CCDC57: variants seen among roughly 807,000 people sequenced by gnomAD.
CCDC57 encodes coiled-coil domain containing 57.
Under a neutral mutation model 118.9 loss-of-function variants are expected in CCDC57, and 118 were observed. That is an observed-to-expected ratio of 0.99 (90% confidence interval 0.86 to 1.16). The LOEUF (loss-of-function observed/expected upper bound fraction) is 1.16, where lower values mean the gene tolerates loss of function less well. Ranked by LOEUF, CCDC57 falls within the 50% of genes most tolerant of loss-of-function variation. CCDC57 has a pLI of 0.00. For synonymous variants in CCDC57, 527 were observed against 532.9 expected (o/e 0.99, Z 0.15); for missense variants, 1,300 against 1,320.7 (o/e 0.98, Z 0.24).
At chr17:82,176,616 G>A (rs1378176050) in intron 11 of CCDC57, among the ~76,000 whole-genome samples, 1 of 152,092 alleles carries the variant, frequency 6.6e-6, no homozygotes, top group Non-Finnish European at 1.5e-5. Flanking sequence ...ATACACCAGC[G>A]TGGGCCCCCT....
chr17:82,147,633 G>A (rs191248064), intron 16 of CCDC57, among the ~76,000 whole-genome samples: 11 of 111,812 alleles, frequency 9.8e-5, no homozygotes, highest in Non-Finnish European at 1.4e-4. Context: ...GGGCGGGTGG[G>A]TGGATGGATG....
Position 82,151,621 on chromosome 17 carries a change from C to T in CCDC57, c.2394G>A (p.Leu798=), listed in dbSNP as rs1449064905. Residue 798 remains leucine, a synonymous_variant, in exon 16 of 20, where the codon CTG becomes CTA. Transcript: ENST00000665763. ...CCATCTCGATGAGCTGCTCTTTCTC[C>T]AGGCGGAGGCTGATGATTTTTCTGG... 7 of 1,550,398 alleles carry T rather than the reference C, an allele frequency of 4.5e-6. No individual in the cohort carries two copies. The Admixed American group carries it at 1.4e-4, about 30-fold the overall frequency.
In CCDC57 at chr17:82,192,321, C is replaced by T. The variant is rs963577411; in HGVS notation, c.851+1435G>A. Among the ~76,000 whole-genome samples the T allele has an allele frequency of 6.6e-6, 1 of 152,152 alleles. No individual in the cohort carries two copies. The highest frequency in any genetic ancestry group is 1.5e-5 in the Non-Finnish European group (1 of 68,040). ...ACTTTAAGAATCAGCATAGGATACACACAACATGCCCAATGTGTGTTAATG... is the reference window on the plus strand; with the variant it reads ...ACTTTAAGAATCAGCATAGGATACATACAACATGCCCAATGTGTGTTAATG... On this transcript the variant is annotated intron_variant, in intron 7 of 19. Coordinates refer to ENST00000665763, the Ensembl canonical transcript of CCDC57. The surrounding 1 kb of genome is among the most constrained non-coding windows in gnomAD (Gnocchi z 4.0).
chr17:82,151,593 T>C (rs1163113849), exon 16 of CCDC57: 2 of 1,550,366 alleles, frequency 1.3e-6, no homozygotes, highest in Non-Finnish European at 1.7e-6. Flanking sequence ...CGGAGCCTGT[T>C]CCCCATCTCG....
chr17:82,190,157 C>A (rs2047486128), intron 7 of CCDC57, among the ~76,000 whole-genome samples: 1 of 151,524 alleles, frequency 6.6e-6, no homozygotes, highest in East Asian at 1.9e-4. Context: ...TCTTCATATC[C>A]CAGCATAGAG....
intron 8 of CCDC57, 116 bp from the exon 8 acceptor site, chr17:82,184,048 C>T (rs1449987189): frequency 3.6e-6 from 2 of 560,866 alleles, no homozygotes; most frequent in African/African-American, 2.0e-5. Context: ...CACACACACA[C>T]ACACACACAC....
At chr17:82,178,486 T>C in exon 11 of CCDC57, 1 of 1,612,148 alleles carries the variant, frequency 6.2e-7, no homozygotes. Context: ...GTGCCCCTGG[T>C]CTGGGGAGCC....
intron 19 of CCDC57, among the ~76,000 whole-genome samples, chr17:82,102,885 CA>C (rs11314063): frequency 0.35 from 45,224 of 130,710 alleles, 7,412 homozygotes; most frequent in African/African-American, 0.44. Context: ...AACTCTATCT[CA>C]AAAAAAAAAA....
intron 16 of CCDC57, 73 bp downstream of exon 15, chr17:82,151,487 G>A (rs979768769): frequency 6.1e-5 from 85 of 1,394,156 alleles, no homozygotes; most frequent in South Asian, 2.3e-4. Context: ...AGAACCTGGC[G>A]CACACCCAGA....
At chr17:82,189,523 A>C (rs1400208377) in intron 7 of CCDC57, among the ~76,000 whole-genome samples, 3 of 152,098 alleles carry the variant, frequency 2.0e-5, no homozygotes, top group Non-Finnish European at 4.4e-5. Flanking sequence ...CAAGTTGGAG[A>C]AGCTCATTCA....
chr17:82,110,944 G>A (rs1314148881), intron 19 of CCDC57, among the ~76,000 whole-genome samples: 1 of 150,044 alleles, frequency 6.7e-6, no homozygotes, highest in Non-Finnish European at 1.5e-5. Flanking sequence ...AGAATCGCTT[G>A]AACCCTGGAG....
intron 19 of CCDC57, among the ~76,000 whole-genome samples, chr17:82,103,076 TGTGGTCTGCGTGCAGCCTGG>T (rs1292439869): frequency 1.7e-4 from 26 of 152,274 alleles, no homozygotes; most frequent in African/African-American, 4.8e-4. Context: ...GCCCAGCCTG[TGTGGTCTGCGTGCAGCCTGG>T]GTGACTGGGA....
intron 13 of CCDC57, among the ~76,000 whole-genome samples, chr17:82,167,908 G>A (rs528987498): frequency 2.6e-5 from 4 of 152,210 alleles, no homozygotes; most frequent in African/African-American, 4.8e-5. Context: ...GAGCCACGGC[G>A]CCCGGCCTGT....
intron 13 of CCDC57, among the ~76,000 whole-genome samples, 172 bp downstream of exon 12, chr17:82,171,529 G>A (rs1470385543): frequency 6.6e-6 from 1 of 152,058 alleles, no homozygotes; most frequent in Non-Finnish European, 1.5e-5. Context: ...CTGCAGTGAG[G>A]AGCCAGGGCA....
At chr17:82,196,968 GCAGCCCCTCGTGACTCCTGCAGAGACT>G (rs1261519351) in intron 4 of CCDC57, among the ~76,000 whole-genome samples, 13 of 120,188 alleles carry the variant, frequency 1.1e-4, no homozygotes, top group African/African-American at 2.7e-4. Context: ...CTGCAGAGAC[GCAGCCCCTCGTGACTCCTGCAGAGACT>G]CAGCCCCTCG....
chr17:82,142,227 C>T (rs1202807134), intron 16 of CCDC57, among the ~76,000 whole-genome samples: 1 of 152,146 alleles, frequency 6.6e-6, no homozygotes, highest in Non-Finnish European at 1.5e-5. Context: ...AGTTAAACCT[C>T]AGTAAGGACA....
chr17:82,120,131 AAAT>A (rs973921770), intron 19 of CCDC57, among the ~76,000 whole-genome samples: 4 of 152,088 alleles, frequency 2.6e-5, no homozygotes, highest in Admixed American at 2.6e-4. Context: ...AGATGCCACT[AAAT>A]TGTTAACTAT....
intron 1 of CCDC57, among the ~76,000 whole-genome samples, chr17:82,208,911 CAGGA>C (rs2049974672): frequency 6.6e-6 from 1 of 152,166 alleles, no homozygotes; most frequent in African/African-American, 2.4e-5. Context: ...GTCTGTCACC[CAGGA>C]TGGAGTGCAG....
exon 9 of CCDC57, chr17:82,183,869 C>G: frequency 4.3e-6 from 7 of 1,613,556 alleles, no homozygotes; most frequent in Non-Finnish European, 5.9e-6. Flanking sequence ...AGACCATCTC[C>G]TTAGATAGTT....
Sources: allele counts gnomAD v4.1 joint callset (sites outside exome capture counted in the v4.1 genomes callset), GRCh38; gene constraint gnomAD v4.1.1; non-coding constraint Gnocchi (gnomAD v3.1); transcripts MANE v1.5; gene names NCBI Gene and HGNC (gene_info 2026-07-23, HGNC 2026-07-21).